The following CCNY variants were observed in gnomAD, a reference collection of about 807,000 sequenced individuals.
CCNY encodes cyclin-Y.
Under a neutral mutation model 42.8 loss-of-function variants are expected in CCNY, and 19 were observed. That is an observed-to-expected ratio of 0.44 (90% CI 0.31 to 0.65). The LOEUF (loss-of-function observed/expected upper bound fraction) is 0.65, where lower values mean the gene tolerates loss of function less well. CCNY is among the 30% of genes least tolerant of loss of function. The probability of loss-of-function intolerance (pLI) is 0.07; values close to 1 mark genes in which losing one functional copy is unlikely to be tolerated. For missense variants in CCNY, 370 were observed against 437.3 expected (o/e 0.85, Z 1.37); for synonymous variants, 165 against 162.7 (o/e 1.01, Z -0.11).
At chr10:35,388,284 T>C (rs772514535) in intron 1 of CCNY, among the ~76,000 whole-genome samples, 1 of 152,216 alleles carries the variant, frequency 6.6e-6, no homozygotes, top group Non-Finnish European at 1.5e-5. Flanking sequence ...TGAAACAAAA[T>C]AGATTGTCTG....
intron 4 of CCNY, among the ~76,000 whole-genome samples, chr10:35,521,578 G>A (rs929448259): frequency 2.6e-5 from 4 of 152,194 alleles, no homozygotes; most frequent in Non-Finnish European, 5.9e-5. Context: ...GCACTCCTCC[G>A]TCGGACAGCA....
At chr10:35,381,162 T>A (rs1163500865) in intron 1 of CCNY, among the ~76,000 whole-genome samples, 1 of 152,254 alleles carries the variant, frequency 6.6e-6, no homozygotes, top group Non-Finnish European at 1.5e-5. Flanking sequence ...GGTGATATTC[T>A]TTCCCCCAAA....
At chr10:35,499,805 T>C (rs931649664) in intron 2 of CCNY, among the ~76,000 whole-genome samples, 1 of 152,174 alleles carries the variant, frequency 6.6e-6, no homozygotes, top group Non-Finnish European at 1.5e-5. Flanking sequence ...CTGTGGCCCA[T>C]GTAGAAAGGG....
chr10:35,537,356 A>C (rs1840907118), intron 7 of CCNY, among the ~76,000 whole-genome samples: 1 of 152,200 alleles, frequency 6.6e-6, no homozygotes. Flanking sequence ...CAGAGCCCCC[A>C]CACAGAGTCC....
chr10:35,256,455 G>C (rs528739095), intron 3 of CCNY, among the ~76,000 whole-genome samples: 3 of 152,084 alleles, frequency 2.0e-5, no homozygotes, highest in South Asian at 4.2e-4. Flanking sequence ...AACATACAAG[G>C]CTGGGCGGTG....
intron 1 of CCNY, among the ~76,000 whole-genome samples, chr10:35,386,693 G>A (rs571441764): frequency 6.6e-6 from 1 of 152,092 alleles, no homozygotes; most frequent in African/African-American, 2.4e-5. Context: ...AAGGAAACTT[G>A]GAGGTTTTCT....
intron 1 of CCNY, among the ~76,000 whole-genome samples, chr10:35,389,565 A>G (rs1429957328): frequency 6.7e-6 from 1 of 149,274 alleles, no homozygotes; most frequent in Non-Finnish European, 1.5e-5. Flanking sequence ...TCAGCCTCCC[A>G]AGTAGCTGGG....
intron 7 of CCNY, among the ~76,000 whole-genome samples, chr10:35,541,736 G>C (rs536976226): frequency 5.9e-4 from 90 of 151,936 alleles, no homozygotes; most frequent in African/African-American, 2.1e-3. Flanking sequence ...TTTTACTCCA[G>C]TTTACTTAGT....
intron 7 of CCNY, among the ~76,000 whole-genome samples, chr10:35,548,562 C>T (rs550192738): frequency 6.6e-6 from 1 of 152,216 alleles, no homozygotes; most frequent in Admixed American, 6.5e-5. Context: ...TCCCGACGTG[C>T]TGGGATTACA....
At chr10:35,306,704 C>A (rs1365955175) in intron 3 of CCNY, among the ~76,000 whole-genome samples, 1 of 152,172 alleles carries the variant, frequency 6.6e-6, no homozygotes, top group East Asian at 1.9e-4. Context: ...GCCCTCTCCC[C>A]TCCTTCTCCT....
upstream of CCNY, among the ~76,000 whole-genome samples, chr10:35,334,887 C>T (rs1383726583): frequency 6.6e-6 from 1 of 152,196 alleles, no homozygotes; most frequent in African/African-American, 2.4e-5. Context: ...GTCCCTTATT[C>T]CTTCTCTTAC....
intron 1 of CCNY, among the ~76,000 whole-genome samples, chr10:35,438,783 C>T (rs1838599687): frequency 6.6e-6 from 1 of 152,180 alleles, no homozygotes; most frequent in Non-Finnish European, 1.5e-5. Context: ...TCCTGATGTT[C>T]CAAGGTTGAT....
intron 1 of CCNY, among the ~76,000 whole-genome samples, chr10:35,452,457 G>A: frequency 6.6e-6 from 1 of 152,190 alleles, no homozygotes; most frequent in East Asian, 1.9e-4. Flanking sequence ...CTTAAACCAA[G>A]CATAATCCTG....
intron 8 of CCNY, among the ~76,000 whole-genome samples, chr10:35,554,911 TG>T (rs1841332788): frequency 6.6e-6 from 1 of 152,226 alleles, no homozygotes. Context: ...GTGGAGGAGA[TG>T]CCTTTTGTAC....
intron 1 of CCNY, among the ~76,000 whole-genome samples, chr10:35,463,600 A>G (rs1210649208): frequency 6.6e-6 from 1 of 152,250 alleles, no homozygotes; most frequent in African/African-American, 2.4e-5. Context: ...TTGATAACAA[A>G]TGACATCATA....
At chr10:35,379,631 G>A (rs972350459) in intron 1 of CCNY, among the ~76,000 whole-genome samples, 8 of 152,230 alleles carry the variant, frequency 5.3e-5, no homozygotes, top group South Asian at 2.1e-4. Context: ...TCCTGGTGAC[G>A]AAGTGATGTG....
intron 1 of CCNY, among the ~76,000 whole-genome samples, chr10:35,375,498 C>G (rs1396776853): frequency 6.6e-6 from 1 of 152,134 alleles, no homozygotes. Context: ...CCATCTGCAG[C>G]CTTAATTCCC....
intron 1 of CCNY, among the ~76,000 whole-genome samples, chr10:35,417,956 C>G (rs1331267820): frequency 1.3e-5 from 2 of 152,188 alleles, no homozygotes; most frequent in East Asian, 1.9e-4. Flanking sequence ...TGACATTCAG[C>G]TGGTACCATT....
chr10:35,542,063 T>C (rs962249792), intron 7 of CCNY, among the ~76,000 whole-genome samples: 1 of 149,646 alleles, frequency 6.7e-6, no homozygotes, highest in Non-Finnish European at 1.5e-5. Context: ...TTGTATCTAG[T>C]TGTTATTACC....
Sources: allele counts gnomAD v4.1 joint callset (sites outside exome capture counted in the v4.1 genomes callset), GRCh38; gene constraint gnomAD v4.1.1; transcripts MANE v1.5; gene names NCBI Gene and HGNC (gene_info 2026-07-23, HGNC 2026-07-21).